The following CRB1 variants were observed in gnomAD, a reference collection of about 807,000 sequenced individuals.
CRB1 encodes the protein crumbs cell polarity complex component 1, also known as protein crumbs homolog 1.
A neutral mutation model predicts 120.0 loss-of-function variants in CRB1; 83 were observed. The observed-to-expected ratio is 0.69, with a 90% CI of 0.58 to 0.83. CRB1 has a LOEUF of 0.83. CRB1 is among the 40% of genes least tolerant of loss of function. CRB1 has a pLI of 0.00. For synonymous variants in CRB1, 625 were observed against 612.5 expected (o/e 1.02, Z -0.30); for missense variants, 1,699 against 1,687.6 (o/e 1.01, Z -0.12).
chr1:197,414,786 C>T (rs1255472266), intron 5 of CRB1, among the ~76,000 whole-genome samples: 1 of 152,160 alleles, frequency 6.6e-6, no homozygotes, highest in Non-Finnish European at 1.5e-5. Flanking sequence ...CCTCCAATAA[C>T]CAATAGGAGA....
intron 5 of CRB1, among the ~76,000 whole-genome samples, chr1:197,378,426 C>G (rs1315156013): frequency 6.6e-6 from 1 of 152,110 alleles, no homozygotes; most frequent in African/African-American, 2.4e-5. Context: ...CCTCTCTTTT[C>G]TCTTCCTTGT....
At position 197,435,130 on chromosome 1, in the gene CRB1, T is replaced by C; in HGVS notation, c.3267T>C (p.Asn1089=). ...DIYVGDRAID[N]IKGLQGCLST... ...ATGTGGGAGACAGAGCTATTGACAA[T>C]ATAAAGGGCCTGCAAGGGTGTCTAA... Residue 1089 remains asparagine, a synonymous_variant, in exon 9 of 12, where the codon AAT becomes AAC. Coordinates refer to ENST00000367400, the MANE Select transcript of CRB1 (RefSeq NM_201253.3). 1 of 1,613,896 alleles carries C rather than the reference T, an allele frequency of 6.2e-7. No homozygotes were observed. Among genetic ancestry groups the C allele is most frequent in the Non-Finnish European group, 8.5e-7 (1 of 1,179,870 alleles).
the CRB1 span, among the ~76,000 whole-genome samples, chr1:197,233,268 G>A: frequency 1.3e-5 from 2 of 152,264 alleles, no homozygotes; most frequent in African/African-American, 4.8e-5. Context: ...ATAGTTCCTG[G>A]AGGAATGAAA....
At chr1:197,400,774 T>G (rs1237298084) in intron 5 of CRB1, among the ~76,000 whole-genome samples, 2 of 152,202 alleles carry the variant, frequency 1.3e-5, no homozygotes, top group Non-Finnish European at 2.9e-5. Context: ...ACTTAAAAGC[T>G]TTTGTGTTTC....
At position 197,442,162 on chromosome 1, in the gene CRB1, G is replaced by T. The variant is rs373719645; in HGVS notation, c.3879-4G>T. 4.3e-6 allele frequency: 7 copies of T among 1,614,102 alleles called. No homozygotes were observed. The South Asian group carries it at 7.7e-5, about 18-fold the overall frequency. On this transcript the variant is annotated splice_region_variant and splice_polypyrimidine_tract_variant and intron_variant, in intron 10 of 11. Coordinates refer to ENST00000367400, the MANE Select transcript of CRB1 (RefSeq NM_201253.3). ...GGGTTTCTGCTGTTCTGTTTATTTT[G>T]AAGGTGTGAAAAGGACATTGATGAG...
At chr1:197,393,486 G>A (rs1662613141) in intron 5 of CRB1, among the ~76,000 whole-genome samples, 1 of 151,778 alleles carries the variant, frequency 6.6e-6, no homozygotes, top group Non-Finnish European at 1.5e-5. Context: ...AGATGAATAT[G>A]CCAGGCACTC....
intron 2 of CRB1, among the ~76,000 whole-genome samples, chr1:197,343,597 T>A (rs1298135286): frequency 6.6e-6 from 1 of 152,094 alleles, no homozygotes; most frequent in African/African-American, 2.4e-5. Flanking sequence ...AAAGAAAAAT[T>A]AAGATAAAAA....
chr1:197,369,104 T>A (rs546682527), intron 5 of CRB1, among the ~76,000 whole-genome samples: 24 of 152,256 alleles, frequency 1.6e-4, no homozygotes, highest in African/African-American at 5.8e-4. Context: ...TATGACGTGG[T>A]CTAGTGTGTG....
At chr1:197,278,119 T>G (rs538879617) in intron 1 of CRB1, among the ~76,000 whole-genome samples, 2 of 151,934 alleles carry the variant, frequency 1.3e-5, no homozygotes, top group Non-Finnish European at 2.9e-5. Context: ...AATGAACATA[T>G]GTATATTGAA....
intron 5 of CRB1, among the ~76,000 whole-genome samples, chr1:197,369,805 T>C (rs1661275889): frequency 6.6e-6 from 1 of 152,178 alleles, no homozygotes; most frequent in Non-Finnish European, 1.5e-5. Context: ...ATAAGCCCAA[T>C]TACCAATATC....
chr1:197,477,850 C>T lies in CRB1; in HGVS notation c.4192C>T (p.Pro1398Ser), dbSNP rs1320791080. ...CCGAGTGGAAATGTGGAACTTGATG[C>T]CACCCCCTGCAATGGAGAGACTGAT... ...GSRVEMWNLM[P>S]PPAMERLI is the part of the protein sequence containing the mutation. Residue 1398 changes from proline to serine, a missense_variant, in exon 12 of 12, where the codon CCA becomes TCA. Pro to Ser is a moderately conservative substitution (Grantham distance 74). Coordinates refer to ENST00000367400, the MANE Select transcript of CRB1 (RefSeq NM_201253.3). 3.1e-6 allele frequency: 5 copies of T among 1,613,666 alleles called. No homozygotes were observed. The African/African-American group carries it at 6.7e-5, about 22-fold the overall frequency.
At chr1:197,208,313 A>G in the CRB1 span, among the ~76,000 whole-genome samples, 1 of 152,124 alleles carries the variant, frequency 6.6e-6, no homozygotes, top group African/African-American at 2.4e-5. Flanking sequence ...CCATATTACC[A>G]GAATTGTTTT....
intron 2 of CRB1, among the ~76,000 whole-genome samples, chr1:197,341,539 A>C (rs1659458652): frequency 6.8e-6 from 1 of 147,262 alleles, no homozygotes; most frequent in African/African-American, 2.4e-5. Context: ...ACTCCATCTC[A>C]GAAAAAAAAA....
intron 5 of CRB1, among the ~76,000 whole-genome samples, chr1:197,384,200 C>T (rs1662098382): frequency 6.6e-6 from 1 of 152,140 alleles, no homozygotes; most frequent in African/African-American, 2.4e-5. Flanking sequence ...TTCTCATCAT[C>T]CCAAATCTCA....
chr1:197,233,247 A>G, the CRB1 span, among the ~76,000 whole-genome samples: 1 of 152,188 alleles, frequency 6.6e-6, no homozygotes, highest in African/African-American at 2.4e-5. Flanking sequence ...TCTGATCTCT[A>G]CAAAACTGAG....
chr1:197,414,662 A>G (rs1571506338), intron 5 of CRB1, among the ~76,000 whole-genome samples: 1 of 152,196 alleles, frequency 6.6e-6, no homozygotes, highest in Non-Finnish European at 1.5e-5. Flanking sequence ...TAAATAAGCA[A>G]TTTGTATTCA....
upstream of CRB1, among the ~76,000 whole-genome samples, chr1:197,266,028 T>C (rs922022828): frequency 2.6e-5 from 4 of 152,178 alleles, no homozygotes; most frequent in Non-Finnish European, 4.4e-5. Flanking sequence ...TTTCCTGACA[T>C]CTCTTCACAC....
chr1:197,317,939 A>AT (rs756212378), intron 1 of CRB1, among the ~76,000 whole-genome samples: 3,034 of 146,962 alleles, frequency 0.021, 115 homozygotes, highest in African/African-American at 0.069. Context: ...CTAGGTAAGG[A>AT]TTTTTTTTTT....
intron 11 of CRB1, among the ~76,000 whole-genome samples, chr1:197,459,368 T>C (rs1274301357): frequency 2.6e-5 from 4 of 152,144 alleles, no homozygotes; most frequent in Admixed American, 2.6e-4. Flanking sequence ...TGTAACAAAA[T>C]GCCATTGACT....
Sources: gnomAD v4.1 joint callset for allele counts (sites outside exome capture counted in the v4.1 genomes callset) on GRCh38, gnomAD v4.1.1 for gene constraint, MANE v1.5 for transcripts, NCBI Gene and HGNC (gene_info 2026-07-23, HGNC 2026-07-21) for gene names.